SLC25A21: variants seen among roughly 807,000 people sequenced by gnomAD.
The protein encoded by SLC25A21 is mitochondrial 2-oxodicarboxylate carrier.
SLC25A21 carries 47 observed loss-of-function variants against 43.8 expected under a neutral mutation model. The ratio of observed to expected loss-of-function variants is 1.07; its 90% CI spans 0.85 to 1.37. The LOEUF (loss-of-function observed/expected upper bound fraction) is 1.37, where lower values mean the gene tolerates loss of function less well. SLC25A21 is among the 40% of genes most tolerant of loss of function. SLC25A21 has a pLI of 0.00. For synonymous variants in SLC25A21, 131 were observed against 121.3 expected (o/e 1.08, Z -0.52); for missense variants, 352 against 350.2 (o/e 1.00, Z -0.04).
Position 37,051,008 on chromosome 14 carries a change from A to T in SLC25A21, c.70+121273T>A, listed in dbSNP as rs114443205. On this transcript the variant is annotated intron_variant, in intron 1 of 9. Transcript: ENST00000331299. ...ACATCTTACACCACAGTTACTCTCAATCAATTTACCCTACTCTATCTTTTT... is the reference window on the plus strand; with the variant it reads ...ACATCTTACACCACAGTTACTCTCATTCAATTTACCCTACTCTATCTTTTT... Among the ~76,000 whole-genome samples the T allele has an allele frequency of 5.3e-3, 761 of 144,766 alleles. 5 individuals are homozygous for T. Among genetic ancestry groups the T allele is most frequent in the African/African-American group, 0.019 (733 of 39,004 alleles). The allele number at this position is 144,766 out of a possible 152,430, so 95.0% of individuals were successfully genotyped here. A position where few individuals can be genotyped will look rare whatever the true frequency, so the allele number is the denominator to read the frequency against.
chr14:36,810,379 T>G (rs888135152), intron 3 of SLC25A21, among the ~76,000 whole-genome samples: 11 of 152,190 alleles, frequency 7.2e-5, no homozygotes, highest in Non-Finnish European at 1.3e-4. Context: ...GGGATATCTG[T>G]TACAGCTTAC....
intron 3 of SLC25A21, among the ~76,000 whole-genome samples, chr14:36,769,044 T>C (rs1384453007): frequency 6.6e-6 from 1 of 152,166 alleles, no homozygotes; most frequent in Non-Finnish European, 1.5e-5. Context: ...TGCTAGACTG[T>C]CTTTATACTG....
intron 2 of SLC25A21, among the ~76,000 whole-genome samples, chr14:36,827,324 G>A (rs1232745265): frequency 1.3e-5 from 2 of 152,068 alleles, no homozygotes; most frequent in East Asian, 3.9e-4. Flanking sequence ...CCTTTCGGTG[G>A]AAGAAAAGAG....
intron 1 of SLC25A21, among the ~76,000 whole-genome samples, chr14:36,934,174 T>C (rs1281106528): frequency 2.0e-5 from 3 of 152,160 alleles, no homozygotes; most frequent in African/African-American, 7.2e-5. Context: ...GGATAATAAG[T>C]AGAAATTACA....
intron 1 of SLC25A21, among the ~76,000 whole-genome samples, chr14:36,924,494 G>A (rs1892074081): frequency 6.6e-6 from 1 of 152,020 alleles, no homozygotes; most frequent in Non-Finnish European, 1.5e-5. Flanking sequence ...TTTGGACACA[G>A]GGTGGGGAAC....
At chr14:36,838,957 T>C (rs925929866) in intron 2 of SLC25A21, among the ~76,000 whole-genome samples, 3 of 152,196 alleles carry the variant, frequency 2.0e-5, no homozygotes, top group African/African-American at 4.8e-5. Context: ...CCCCAATTAA[T>C]GTGGAGTGTG....
rs80232108 is a variant in SLC25A21 at position 36,869,557 on chromosome 14, A to G, written c.119+5399T>C. Among the ~76,000 whole-genome samples, 1,289 of 152,312 alleles carry G rather than the reference A, an allele frequency of 8.5e-3. 13 individuals are homozygous for G. Among genetic ancestry groups the G allele is most frequent in the African/African-American group, 0.026 (1,100 of 41,574 alleles). On this transcript the variant is annotated intron_variant, in intron 2 of 9. Transcript: ENST00000331299. ...GGTACCAGATGACTTGAAAAGTGGG[A>G]ATATGTAACTAGAAGCAAGAGCACT...
intron 1 of SLC25A21, among the ~76,000 whole-genome samples, chr14:37,142,940 C>T (rs1440613419): frequency 6.6e-6 from 1 of 152,150 alleles, no homozygotes; most frequent in East Asian, 1.9e-4. Context: ...TGCTAGTCAG[C>T]ATCTAAGTCT....
At chr14:36,721,346 C>T (rs1037424270) in intron 6 of SLC25A21, among the ~76,000 whole-genome samples, 4 of 152,076 alleles carry the variant, frequency 2.6e-5, no homozygotes, top group Admixed American at 2.6e-4. Flanking sequence ...GGAAACTGGG[C>T]TAGGGTCAGG....
intron 3 of SLC25A21, among the ~76,000 whole-genome samples, chr14:36,752,785 G>T (rs1885757878): frequency 3.3e-5 from 5 of 152,158 alleles, no homozygotes; most frequent in Admixed American, 3.3e-4. Context: ...TTGTGATAGT[G>T]AGGGAGTTCT....
intron 6 of SLC25A21, among the ~76,000 whole-genome samples, chr14:36,719,760 A>G (rs1884300804): frequency 1.3e-5 from 2 of 152,196 alleles, no homozygotes; most frequent in Non-Finnish European, 2.9e-5. Context: ...AATTCACCAC[A>G]TTTTAAATTC....
chr14:36,792,418 C>T (rs1845666900), intron 3 of SLC25A21, among the ~76,000 whole-genome samples: 1 of 152,162 alleles, frequency 6.6e-6, no homozygotes. Flanking sequence ...CCAATTATTC[C>T]TGTTAATGGG....
At chr14:37,047,614 C>T (rs1961614465) in intron 1 of SLC25A21, among the ~76,000 whole-genome samples, 1 of 152,120 alleles carries the variant, frequency 6.6e-6, no homozygotes, top group South Asian at 2.1e-4. Flanking sequence ...AAGTATGTAA[C>T]ATAACAAGAA....
intron 7 of SLC25A21, among the ~76,000 whole-genome samples, chr14:36,699,536 A>G (rs1015755537): frequency 6.6e-6 from 1 of 152,180 alleles, no homozygotes; most frequent in African/African-American, 2.4e-5. Flanking sequence ...CCTTTTATTC[A>G]GCTATGCCTT....
At chr14:37,061,482 G>T (rs1204207481) in intron 1 of SLC25A21, among the ~76,000 whole-genome samples, 1 of 149,370 alleles carries the variant, frequency 6.7e-6, no homozygotes, top group Non-Finnish European at 1.5e-5. Flanking sequence ...TAATTCCCTG[G>T]CTCTCTATTA....
At chr14:36,791,473 C>T (rs962016720) in intron 3 of SLC25A21, among the ~76,000 whole-genome samples, 14 of 152,094 alleles carry the variant, frequency 9.2e-5, no homozygotes, top group Non-Finnish European at 1.8e-4. Flanking sequence ...TTCTTAGCCC[C>T]ACCAGCAGCC....
intron 1 of SLC25A21, among the ~76,000 whole-genome samples, chr14:37,152,111 G>A (rs1302192496): frequency 2.6e-5 from 4 of 152,068 alleles, no homozygotes; most frequent in African/African-American, 9.7e-5. Flanking sequence ...GTAAATGTTA[G>A]CACTCAAAAG....
chr14:36,769,209 C>T (rs1214039372), intron 3 of SLC25A21, among the ~76,000 whole-genome samples: 2 of 152,158 alleles, frequency 1.3e-5, no homozygotes, highest in Non-Finnish European at 2.9e-5. Flanking sequence ...TCAGATAATG[C>T]AATTCAAGTT....
intron 1 of SLC25A21, among the ~76,000 whole-genome samples, chr14:37,129,371 T>C (rs1475484142): frequency 6.6e-6 from 1 of 152,212 alleles, no homozygotes; most frequent in Non-Finnish European, 1.5e-5. Context: ...ACTGTTATCT[T>C]GTGCAGTTCC....
Sources: gnomAD v4.1 joint callset for allele counts (sites outside exome capture counted in the v4.1 genomes callset) on GRCh38, gnomAD v4.1.1 for gene constraint, MANE v1.5 for transcripts, NCBI Gene and HGNC (gene_info 2026-07-23, HGNC 2026-07-21) for gene names.